Variants in PLD5 observed in about 807,000 individuals in gnomAD.
The protein encoded by PLD5 is inactive phospholipase D5.
In PLD5, 36 loss-of-function variants were observed where a neutral mutation model predicts 61.1. The ratio of observed to expected loss-of-function variants is 0.59; its 90% CI spans 0.45 to 0.78. The LOEUF (loss-of-function observed/expected upper bound fraction) is 0.78. Ranked by LOEUF, PLD5 falls within the 30% of genes least tolerant of loss-of-function variation. The pLI, the probability that PLD5 is intolerant of heterozygous loss-of-function variation, is 0.00. For synonymous variants in PLD5, 243 were observed against 242.8 expected, an observed-to-expected ratio of 1.00 and a Z score of -0.01; for missense variants, 515 against 644.4, an observed-to-expected ratio of 0.80 and a Z score of 2.17.
intron 1 of PLD5, among the ~76,000 whole-genome samples, chr1:242,431,516 T>C (rs1322826361): frequency 6.6e-6 from 1 of 152,246 alleles, no homozygotes; most frequent in African/African-American, 2.4e-5. Context: ...ATGTGGTGCA[T>C]GTGACGCTTG....
intron 5 of PLD5, among the ~76,000 whole-genome samples, chr1:242,160,483 C>CAAACT (rs1665735650): frequency 1.3e-5 from 2 of 152,130 alleles, no homozygotes; most frequent in Non-Finnish European, 2.9e-5. Context: ...AAATTGGAAA[C>CAAACT]AAACTAAATG....
At chr1:242,110,503 T>G (rs566006829) in intron 7 of PLD5, among the ~76,000 whole-genome samples, 2 of 152,062 alleles carry the variant, frequency 1.3e-5, no homozygotes, top group Non-Finnish European at 1.5e-5. Context: ...TGGTACACAG[T>G]GCTCAATAAA....
chr1:242,314,843 T>C (rs921062372), intron 2 of PLD5, among the ~76,000 whole-genome samples: 8 of 151,700 alleles, frequency 5.3e-5, no homozygotes, highest in Admixed American at 1.3e-4. Flanking sequence ...TAAGTTGGAG[T>C]GGAGGCTTTG....
chr1:242,258,018 G>T (rs1300599192), intron 4 of PLD5, among the ~76,000 whole-genome samples: 1 of 152,132 alleles, frequency 6.6e-6, no homozygotes, highest in Non-Finnish European at 1.5e-5. Flanking sequence ...TGCATAGCTA[G>T]GAATATGATT....
intron 1 of PLD5, among the ~76,000 whole-genome samples, chr1:242,457,336 A>G (rs1666974155): frequency 6.6e-6 from 1 of 152,236 alleles, no homozygotes; most frequent in Non-Finnish European, 1.5e-5. Context: ...TCTACCCCTC[A>G]CATACAACTA....
intron 5 of PLD5, among the ~76,000 whole-genome samples, chr1:242,170,549 A>T (rs1373370918): frequency 1.3e-5 from 2 of 152,194 alleles, no homozygotes; most frequent in Admixed American, 6.5e-5. Flanking sequence ...TGGGATGGAG[A>T]ATGAGTTTGA....
At chr1:242,377,304 T>C in intron 1 of PLD5, 1 of 1,607,614 alleles carries the variant, frequency 6.2e-7, no homozygotes, top group Non-Finnish European at 8.5e-7. Context: ...CACGGCACAC[T>C]TGTGAACCTT....
At position 242,393,652 on chromosome 1, in the gene PLD5, G is replaced by GTA. The variant is rs756444185; in HGVS notation, c.190-45412_190-45411dup. On this transcript the variant is annotated intron_variant, in intron 1 of 9. Transcript: ENST00000536534. The stretch of plus-strand genomic sequence containing the variant: ...AGTATATATATGTGTATATATATGA[G>GTA]TATATATGTGTATATATATGAGTAT... 1.9e-4 allele frequency among the ~76,000 whole-genome samples: 14 copies of GTA among 74,264 alleles called. 3 individuals are homozygous for GTA. Among genetic ancestry groups the GTA allele is most frequent in the East Asian group, 7.2e-4 (2 of 2,762 alleles). The allele number at this position is 74,264 out of a possible 152,430, so 48.7% of individuals were successfully genotyped here.
intron 1 of PLD5, among the ~76,000 whole-genome samples, chr1:242,352,090 T>A (rs1253842496): frequency 6.6e-6 from 1 of 152,300 alleles, no homozygotes; most frequent in East Asian, 1.9e-4. Flanking sequence ...CTCTTAATGA[T>A]ACAATGTACA....
chr1:242,255,055 C>T (rs1260783821), intron 4 of PLD5, among the ~76,000 whole-genome samples: 1 of 152,082 alleles, frequency 6.6e-6, no homozygotes, highest in Non-Finnish European at 1.5e-5. Context: ...GAAAAGCATG[C>T]CGGGGTGACC....
At chr1:242,265,057 T>C (rs1459599107) in intron 4 of PLD5, among the ~76,000 whole-genome samples, 2 of 152,206 alleles carry the variant, frequency 1.3e-5, no homozygotes, top group East Asian at 3.8e-4. Context: ...ACCGTTGAAG[T>C]GTTCAGAAAG....
At position 242,199,195 on chromosome 1, in the gene PLD5, A is replaced by C. The variant is rs576616113; in HGVS notation, c.735+20793T>G. 1.6e-4 allele frequency among the ~76,000 whole-genome samples: 25 copies of C among 152,318 alleles called. No individual in the cohort carries two copies. In the South Asian group the frequency reaches 5.2e-3, roughly 32 times the overall value. On this transcript the variant is annotated intron_variant, in intron 5 of 9. Transcript: ENST00000536534. ...TGTGGCTCACATTCATGGCCTGGGC[A>C]TATTCCTATCAGACAGCACTGCTTT...
chr1:242,207,910 A>T (rs377149709), intron 5 of PLD5, among the ~76,000 whole-genome samples: 2 of 43,522 alleles, frequency 4.6e-5, no homozygotes, highest in African/African-American at 1.2e-4. Flanking sequence ...ATATTTATAT[A>T]TATTTATATA....
At chr1:242,403,165 G>A (rs1031701712) in intron 1 of PLD5, among the ~76,000 whole-genome samples, 1 of 152,198 alleles carries the variant, frequency 6.6e-6, no homozygotes, top group South Asian at 2.1e-4. Context: ...ACATTACCAG[G>A]TCAGATGGTC....
intron 5 of PLD5, among the ~76,000 whole-genome samples, chr1:242,179,765 T>C (rs1667397028): frequency 6.6e-6 from 1 of 152,120 alleles, no homozygotes; most frequent in Non-Finnish European, 1.5e-5. Context: ...TAGCCGGGCA[T>C]GGTGGTGCAT....
chr1:242,333,040 T>C (rs1027536014), intron 2 of PLD5, among the ~76,000 whole-genome samples: 3 of 151,944 alleles, frequency 2.0e-5, no homozygotes, highest in Admixed American at 6.6e-5. Flanking sequence ...GAGAAAGCAA[T>C]AGACATGAAG....
chr1:242,258,197 G>A (rs549668493), intron 4 of PLD5, among the ~76,000 whole-genome samples: 1 of 152,152 alleles, frequency 6.6e-6, no homozygotes, highest in East Asian at 1.9e-4. Context: ...TTTTGGATAG[G>A]CACACTTCCT....
At chr1:242,373,846 A>G (rs1317233342) in intron 1 of PLD5, among the ~76,000 whole-genome samples, 3 of 152,008 alleles carry the variant, frequency 2.0e-5, no homozygotes, top group Non-Finnish European at 4.4e-5. Flanking sequence ...ATATATATAT[A>G]TAATATAGGA....
At chr1:242,522,894 A>ATT (rs1669323727) in intron 1 of PLD5, among the ~76,000 whole-genome samples, 1 of 152,188 alleles carries the variant, frequency 6.6e-6, no homozygotes, top group African/African-American at 2.4e-5. Context: ...TCAAAGCTTC[A>ATT]TATTAGAGCT....
Sources: gnomAD v4.1 joint callset for allele counts (sites outside exome capture counted in the v4.1 genomes callset) on GRCh38, gnomAD v4.1.1 for gene constraint, MANE v1.5 for transcripts, NCBI Gene and HGNC (gene_info 2026-07-23, HGNC 2026-07-21) for gene names.